NOC2L: variants seen among roughly 807,000 people sequenced by gnomAD.
NOC2L encodes the protein NOC2 like nucleolar associated transcriptional repressor.
NOC2L carries 101 observed loss-of-function variants against 94.2 expected under a neutral mutation model. The ratio of observed to expected loss-of-function variants is 1.07; its 90% confidence interval spans 0.91 to 1.26. NOC2L has a LOEUF of 1.26. NOC2L is among the 50% of genes most tolerant of loss of function. NOC2L has a pLI of 0.00. For synonymous variants in NOC2L, 531 were observed against 413.4 expected, an observed-to-expected ratio of 1.28 and a Z score of -3.45; for missense variants, 1,076 against 980.1, an observed-to-expected ratio of 1.10 and a Z score of -1.31.
intron 16 of NOC2L, 52 bp from the exon 17 acceptor site, chr1:945,705 G>C (rs1557614954): frequency 6.2e-7 from 1 of 1,612,850 alleles, no homozygotes; most frequent in East Asian, 2.2e-5. Flanking sequence ...GGGGCTGGCG[G>C]CCACAGCAGG....
intron 10 of NOC2L, 97 bp downstream of exon 10, chr1:952,315 A>G: frequency 6.7e-7 from 1 of 1,484,428 alleles, no homozygotes; most frequent in Non-Finnish European, 9.2e-7. Flanking sequence ...GTCTCCAGAC[A>G]GGGGCTTCGG....
rs188691615 is a variant in NOC2L, at chr1:958,722, A to G, written c.179+207T>C. ...GGAAGAGATTTTTGCACAACTCACCAACATACGCTCCCTGCCTAGGACAGA... is the reference window on the plus strand; with the variant it reads ...GGAAGAGATTTTTGCACAACTCACCGACATACGCTCCCTGCCTAGGACAGA... On this transcript the variant is annotated intron_variant, in intron 2 of 18. Transcript: ENST00000327044. 6 of 709,338 alleles carry G rather than the reference A, an allele frequency of 8.5e-6. No homozygotes were observed. In the South Asian group the frequency reaches 9.0e-5, roughly 11 times the overall value. The allele number at this position is 709,338 out of a possible 1,614,324, so 43.9% of individuals were successfully genotyped here.
In NOC2L at chr1:954,013, C is replaced by T. The variant is rs199618421; in HGVS notation, c.768G>A (p.Ser256=). The T allele has an allele frequency of 5.4e-5, 87 of 1,605,640 alleles. 1 individual carries two copies. Among genetic ancestry groups the T allele is most frequent in the South Asian group, 3.3e-5 (3 of 90,336 alleles). ...LRVDIKAYLG[S]AIQLVSCLSE... ...CCCACCAGAATAGCACCTGTATGGCCGAGCCCAGGTAAGCCTTGATGTCCA... is the reference window on the plus strand; with the variant it reads ...CCCACCAGAATAGCACCTGTATGGCTGAGCCCAGGTAAGCCTTGATGTCCA... The change falls in exon 7 of 19, where the codon TCG becomes TCA. Residue 256 remains serine (S), a synonymous_variant. Coordinates refer to ENST00000327044, the MANE Select transcript of NOC2L (RefSeq NM_015658.4).
chr1:954,123 G>A (rs751557735), intron 6 of NOC2L, 41 bp from the exon 7 acceptor site: 9 of 1,591,186 alleles, frequency 5.7e-6, no homozygotes, highest in Admixed American at 1.7e-5. Context: ...AGGCCCCACG[G>A]CTCGGACGCG....
intron 9 of NOC2L, 88 bp downstream of exon 9, chr1:953,087 C>A: frequency 4.6e-6 from 4 of 878,014 alleles, no homozygotes; most frequent in Middle Eastern, 2.6e-4. Context: ...CAGTGAGGGG[C>A]ACCAACCACA....
At chr1:955,312 C>T (rs1044206729) in intron 6 of NOC2L, among the ~76,000 whole-genome samples, 32 of 152,368 alleles carry the variant, frequency 2.1e-4, no homozygotes, top group African/African-American at 7.2e-4. Context: ...CTCCTTTCTT[C>T]CTTTGAAGGT....
At chr1:950,810 G>A (rs1293038284) in intron 12 of NOC2L, among the ~76,000 whole-genome samples, 3 of 152,128 alleles carry the variant, frequency 2.0e-5, no homozygotes, top group Admixed American at 6.5e-5. Context: ...ACTGTTCAGT[G>A]TACAGTTCAG....
chr1:944,596 C>T lies in NOC2L; in HGVS notation c.*98G>A. ...CCTGTCCCGTGTCTACTGCCTCCCCCAACTGCACAGACGCCAGCCTCTAGG... is the reference window on the plus strand; with the variant it reads ...CCTGTCCCGTGTCTACTGCCTCCCCTAACTGCACAGACGCCAGCCTCTAGG... On this transcript the variant is annotated 3_prime_UTR_variant, in exon 19 of 19. Coordinates refer to ENST00000327044, the MANE Select transcript of NOC2L (RefSeq NM_015658.4). 5 of 730,424 alleles carry T rather than the reference C, an allele frequency of 6.8e-6. No homozygotes were observed. The highest frequency in any genetic ancestry group is 3.3e-5 in the South Asian group (2 of 60,526). The allele number at this position is 730,424 out of a possible 1,614,324, so 45.2% of individuals were successfully genotyped here.
intron 3 of NOC2L, 30 bp from the exon 4 acceptor site, chr1:957,055 T>A: frequency 4.3e-6 from 7 of 1,613,866 alleles, no homozygotes; most frequent in Non-Finnish European, 5.9e-6. Flanking sequence ...TGAAGGAGAG[T>A]GTAGAGACAA....
At chr1:956,245 G>C in intron 4 of NOC2L, 30 bp from the exon 5 acceptor site, 2 of 1,609,272 alleles carry the variant, frequency 1.2e-6, no homozygotes, top group Non-Finnish European at 8.5e-7. Flanking sequence ...AGGGGCGTCA[G>C]GGGAGCTGAG....
At position 952,033 on chromosome 1, in the gene NOC2L, T is replaced by C. The variant is rs370840764; in HGVS notation, c.1298A>G (p.Tyr433Cys). ...GCCAATGATGACTTGGGCAAGGGGG[T>C]AGACCAAGGGCTGGAGGGCTTCGCT... ...GPSEALQPLV[Y>C]PLAQVIIGCI... Residue 433 changes from tyrosine to cysteine, a missense_variant, in exon 11 of 19, where the codon TAC becomes TGC. Around this residue, in one of 3 missense-constraint regions of NOC2L, gnomAD observed 615 missense variants for 577.4 expected, o/e 1.07. Coordinates refer to ENST00000327044, the MANE Select transcript of NOC2L (RefSeq NM_015658.4). 236 of 1,613,108 alleles carry C rather than the reference T, an allele frequency of 1.5e-4. No homozygotes were observed. Among genetic ancestry groups the C allele is most frequent in the Non-Finnish European group, 1.9e-4 (220 of 1,179,752 alleles).
At chr1:954,306 C>T in intron 6 of NOC2L, 1 of 527,566 alleles carries the variant, frequency 1.9e-6, no homozygotes, top group Non-Finnish European at 3.3e-6. Flanking sequence ...CCTTGAACTC[C>T]TGTCTGCCCT....
chr1:950,448 TAC>T (rs1191563547), intron 12 of NOC2L, among the ~76,000 whole-genome samples: 3 of 150,312 alleles, frequency 2.0e-5, no homozygotes, highest in Admixed American at 6.6e-5. Flanking sequence ...TGCACACAGG[TAC>T]ACACGCATGT....
chr1:951,217 G>T lies in NOC2L; in HGVS notation c.1353C>A (p.Phe451Leu). The change falls in exon 12 of 19, where the codon TTC becomes TTA. Residue 451 changes from phenylalanine to leucine, a missense_variant. Around this residue, in one of 3 missense-constraint regions of NOC2L, gnomAD observed 615 missense variants for 577.4 expected, o/e 1.07. Coordinates refer to ENST00000327044, the MANE Select transcript of NOC2L (RefSeq NM_015658.4). The stretch of plus-strand genomic sequence containing the variant: ...GGATGCAGTGCATTCGCAGCGGGTA[G>T]AAGCGGGCAGTGGGGATGAGCCTGG... ...GCIKLIPTAR[F>L]YPLRMHCIRA... 1 of 1,589,856 alleles carries T rather than the reference G, an allele frequency of 6.3e-7. No homozygotes were observed. Among genetic ancestry groups the T allele is most frequent in the Non-Finnish European group, 8.6e-7 (1 of 1,168,354 alleles).
At chr1:950,410 C>A (rs1642224412) in intron 12 of NOC2L, among the ~76,000 whole-genome samples, 1 of 152,164 alleles carries the variant, frequency 6.6e-6, no homozygotes, top group Non-Finnish European at 1.5e-5. Context: ...CAGGTGCACA[C>A]ACGCACAGGT....
rs58931985 is a variant in NOC2L at position 954,070 on chromosome 1, C to G, written c.711G>C (p.Pro237=). 2.5e-6 allele frequency: 4 copies of G among 1,611,014 alleles called. No homozygotes were observed. Among genetic ancestry groups the G allele is most frequent in the African/African-American group, 1.3e-5 (1 of 74,860 alleles). ...GCTTCCCCCAGAGCGGGCTGCTGGA[C>G]GGCTGCAGCATCCTGCAGAGAGACC... The part of the protein sequence containing the change: ...VAKDSSRMLQ[P]SSSPLWGKLR... The change falls in exon 7 of 19, where the codon CCG becomes CCC. Residue 237 remains proline (P), a synonymous_variant. Coordinates refer to ENST00000327044, the MANE Select transcript of NOC2L (RefSeq NM_015658.4).
chr1:946,653 G>A (rs2272756), intron 14 of NOC2L, 108 bp from the exon 15 acceptor site: 308,904 of 1,351,218 alleles, frequency 0.23, 37,260 homozygotes, highest in Admixed American at 0.26. Context: ...TACCCCAGGA[G>A]GGGACATGGA....
intron 9 of NOC2L, among the ~76,000 whole-genome samples, chr1:952,914 C>T (rs1018838159): frequency 3.2e-4 from 48 of 152,218 alleles, no homozygotes; most frequent in African/African-American, 1.1e-3. Flanking sequence ...CCAGTGTCCT[C>T]CTCCAGCCAG....
At chr1:954,228 C>T in intron 6 of NOC2L, 146 bp from the exon 7 acceptor site, 2 of 692,794 alleles carry the variant, frequency 2.9e-6, no homozygotes. Context: ...GCTCAGGGCC[C>T]CTTACAGCTG....
Sources: allele counts gnomAD v4.1 joint callset (sites outside exome capture counted in the v4.1 genomes callset), GRCh38; gene constraint gnomAD v4.1.1; regional missense constraint gnomAD v4.1.1; transcripts MANE v1.5; gene names NCBI Gene and HGNC (gene_info 2026-07-23, HGNC 2026-07-21).